The following DKK3 variants were observed in gnomAD, a reference collection of about 807,000 sequenced individuals.
The protein encoded by DKK3 is dickkopf-related protein 3.
DKK3 carries 22 observed loss-of-function variants against 33.2 expected under a neutral mutation model. The observed-to-expected ratio is 0.66, with a 90% CI of 0.47 to 0.95. DKK3 has a LOEUF of 0.95. Among genes scored for constraint, DKK3 ranks in the 40% least tolerant of loss-of-function variants. DKK3 has a pLI of 0.00. For synonymous variants in DKK3, 194 were observed against 188.8 expected (o/e 1.03, Z -0.23); for missense variants, 398 against 458.4 (o/e 0.87, Z 1.20).
At chr11:11,993,010 T>C (rs954904676) in intron 3 of DKK3, among the ~76,000 whole-genome samples, 10 of 152,212 alleles carry the variant, frequency 6.6e-5, no homozygotes, top group East Asian at 3.8e-4. Flanking sequence ...GCCTCAGAAG[T>C]TGATGCTAAA....
At chr11:11,999,881 A>G (rs1367727553) in intron 2 of DKK3, among the ~76,000 whole-genome samples, 1 of 152,232 alleles carries the variant, frequency 6.6e-6, no homozygotes, top group African/African-American at 2.4e-5. Context: ...TAATTTGCAG[A>G]AGGGAATCAA....
intron 3 of DKK3, 86 bp from the exon 4 acceptor site, chr11:11,968,573 A>G: frequency 7.6e-7 from 1 of 1,323,360 alleles, no homozygotes; most frequent in Non-Finnish European, 1.0e-6. Context: ...GCCCGCTTCC[A>G]TTCCCCATTC....
chr11:11,978,051 C>A (rs889341537), intron 3 of DKK3, among the ~76,000 whole-genome samples: 2 of 152,162 alleles, frequency 1.3e-5, no homozygotes, highest in Non-Finnish European at 2.9e-5. Context: ...TTACATGGGA[C>A]ACACTCATAC....
At chr11:12,001,989 G>A (rs1848438812) in intron 2 of DKK3, 1 of 220,260 alleles carries the variant, frequency 4.5e-6, no homozygotes, top group Admixed American at 5.1e-5. Flanking sequence ...TGCTAGGAAA[G>A]GGTCTTTTTA....
At chr11:11,997,065 A>G (rs1848311237) in intron 3 of DKK3, among the ~76,000 whole-genome samples, 1 of 152,198 alleles carries the variant, frequency 6.6e-6, no homozygotes, top group Non-Finnish European at 1.5e-5. Context: ...AAAGGCACCA[A>G]CTGGACACAG....
chr11:11,973,276 G>T (rs775694240), intron 3 of DKK3, among the ~76,000 whole-genome samples: 24 of 152,222 alleles, frequency 1.6e-4, no homozygotes, highest in Non-Finnish European at 3.4e-4. Context: ...AGCTTGACTG[G>T]ACTGGAGCCG....
chr11:11,963,100 C>CTAG lies in DKK3; in HGVS notation c.*1363_*1364insCTA, dbSNP rs1349103154. On this transcript the variant is annotated 3_prime_UTR_variant, in exon 7 of 7. Transcript: ENST00000683431. ...AAAGGGAAAAGAAATCCAAGAACTA[C>CTAG]AGAAGAGCAGTTGAAGTGATTTATG... 1 of 152,622 alleles carries CTAG rather than the reference C, an allele frequency of 6.6e-6. No homozygotes were observed. Among genetic ancestry groups the CTAG allele is most frequent in the Non-Finnish European group, 1.5e-5 (1 of 68,034 alleles). The allele number at this position is 152,622 out of a possible 1,614,324, so 9.5% of individuals were successfully genotyped here. A position where few individuals can be genotyped will look rare whatever the true frequency, so the allele number is the denominator to read the frequency against.
chr11:11,973,036 C>G (rs1446123318), intron 3 of DKK3, among the ~76,000 whole-genome samples: 1 of 152,130 alleles, frequency 6.6e-6, no homozygotes, highest in African/African-American at 2.4e-5. Context: ...TACCTCTTAG[C>G]CCTGGGACCA....
At chr11:11,968,711 T>C in intron 3 of DKK3, 1 of 480,530 alleles carries the variant, frequency 2.1e-6, no homozygotes, top group Middle Eastern at 5.3e-4. Flanking sequence ...GCCTGGAGGA[T>C]CCCACACCAA....
At chr11:11,966,105 GA>G in intron 5 of DKK3, 140 bp from the exon 6 acceptor site, 2 of 1,072,258 alleles carry the variant, frequency 1.9e-6, no homozygotes, top group Non-Finnish European at 2.6e-6. Flanking sequence ...GATACGGAAT[GA>G]CAGGAAACAA....
chr11:11,998,690 A>G lies in DKK3; in HGVS notation c.435+6T>C, dbSNP rs746052526. The G allele has an allele frequency of 1.2e-6, 2 of 1,613,110 alleles. No homozygotes were observed. Among genetic ancestry groups the G allele is most frequent in the Admixed American group, 3.3e-5 (2 of 59,998 alleles). On this transcript the variant is annotated splice_donor_region_variant and intron_variant, in intron 3 of 6. Transcript: ENST00000683431. ...GGGTGCAAGTACAGGGGAAATGACA[A>G]CTTACGTGGCTCCTTCTGCCTTCTT...
chr11:12,003,838 C>A (rs184815102), intron 1 of DKK3, among the ~76,000 whole-genome samples: 5 of 152,124 alleles, frequency 3.3e-5, no homozygotes, highest in Admixed American at 6.5e-5. Flanking sequence ...GCTTTAACCA[C>A]CAGGTTTGCT....
intron 1 of DKK3, among the ~76,000 whole-genome samples, chr11:12,003,858 A>G (rs898845969): frequency 6.6e-6 from 1 of 152,184 alleles, no homozygotes; most frequent in Non-Finnish European, 1.5e-5. Context: ...TGAGCTGAGG[A>G]GGATAAGAGG....
chr11:12,008,828 CG>C, upstream of DKK3: 1 of 1,169,056 alleles, frequency 8.6e-7, no homozygotes, highest in South Asian at 4.3e-5. The surrounding 1 kb of genome is among the most constrained non-coding windows in gnomAD (Gnocchi z 4.6). Flanking sequence ...CCCAGGACCC[CG>C]CACCCCCATC....
chr11:11,998,323 G>A, intron 3 of DKK3: 1 of 336,106 alleles, frequency 3.0e-6, no homozygotes, highest in Non-Finnish European at 5.5e-6. Flanking sequence ...GACCAGAGGT[G>A]GGATTACAAA....
At chr11:11,975,785 C>T (rs1297316444) in intron 3 of DKK3, among the ~76,000 whole-genome samples, 4 of 152,166 alleles carry the variant, frequency 2.6e-5, no homozygotes, top group African/African-American at 9.7e-5. Context: ...CAGGCTCTGT[C>T]GCTGCACTTG....
At chr11:11,964,755 C>G in intron 6 of DKK3, 69 bp from the exon 7 acceptor site, 2 of 1,552,216 alleles carry the variant, frequency 1.3e-6, no homozygotes, top group Non-Finnish European at 8.7e-7. Flanking sequence ...CTAAGGCGCC[C>G]TGACTCTGTG....
At chr11:11,985,287 A>G (rs1848046465) in intron 3 of DKK3, among the ~76,000 whole-genome samples, 1 of 152,216 alleles carries the variant, frequency 6.6e-6, no homozygotes, top group African/African-American at 2.4e-5. Flanking sequence ...CGGCTCTCCA[A>G]GCCAAGACTC....
At chr11:11,976,126 T>G (rs934696025) in intron 3 of DKK3, among the ~76,000 whole-genome samples, 1 of 152,182 alleles carries the variant, frequency 6.6e-6, no homozygotes, top group South Asian at 2.1e-4. Context: ...TGTGGGCCAA[T>G]GGGTCTTGTT....
Sources: allele counts gnomAD v4.1 joint callset (sites outside exome capture counted in the v4.1 genomes callset), GRCh38; gene constraint gnomAD v4.1.1; non-coding constraint Gnocchi (gnomAD v3.1); transcripts MANE v1.5; gene names NCBI Gene and HGNC (gene_info 2026-07-23, HGNC 2026-07-21).